PROKR2: variants seen among roughly 807,000 people sequenced by gnomAD.
PROKR2 encodes G protein-coupled receptor 73-like 1.
A neutral mutation model predicts 23.4 loss-of-function variants in PROKR2; 26 were observed. The observed-to-expected ratio is 1.11, with a 90% CI of 0.81 to 1.54. PROKR2 has a LOEUF of 1.54. Ranked by LOEUF, PROKR2 falls within the 40% of genes most tolerant of loss-of-function variation. The pLI, the probability that PROKR2 is intolerant of heterozygous loss-of-function variation, is 0.00. For synonymous variants in PROKR2, 212 were observed against 201.2 expected (o/e 1.05, Z -0.45); for missense variants, 453 against 511.5 (o/e 0.89, Z 1.10).
At chr20:5,307,126 C>T (rs1167846673) in intron 2 of PROKR2, among the ~76,000 whole-genome samples, 2 of 152,100 alleles carry the variant, frequency 1.3e-5, no homozygotes, top group African/African-American at 4.8e-5. Flanking sequence ...CATGTCGAGA[C>T]TGATGCTGAG....
Position 5,299,613 on chromosome 20 carries a change from T to C in PROKR2, c.*2427A>G, listed in dbSNP as rs1175322782. ...AGTTTTGCTTAGGCTAATATTATAG[T>C]GTGTTTGCATTTTCTTTTATTTTCC... On this transcript the variant is annotated 3_prime_UTR_variant, in exon 3 of 3. Coordinates refer to ENST00000678254, the MANE Select transcript of PROKR2 (RefSeq NM_144773.4). Among the ~76,000 whole-genome samples the C allele has an allele frequency of 6.6e-6, 1 of 151,964 alleles. No homozygotes were observed. The highest frequency in any genetic ancestry group is 2.4e-5 in the African/African-American group (1 of 41,380).
At chr20:5,307,591 CATT>C (rs1979267255) in intron 2 of PROKR2, among the ~76,000 whole-genome samples, 1 of 152,218 alleles carries the variant, frequency 6.6e-6, no homozygotes, top group African/African-American at 2.4e-5. Context: ...CCTATGGAAT[CATT>C]ATTGATTGGT....
In PROKR2 at chr20:5,316,017, G is replaced by A; in HGVS notation, c.-9+477C>T. Reference sequence around the variant, plus strand: ...AACGCGGCCGCACTGTCGGCGTCTAGAGGCGACATCCTGGCAAAGACAGGA... The same window carrying A: ...AACGCGGCCGCACTGTCGGCGTCTAAAGGCGACATCCTGGCAAAGACAGGA... On this transcript the variant is annotated intron_variant, in intron 1 of 2. Transcript: ENST00000678254. The surrounding 1 kb of genome is among the most constrained non-coding windows in gnomAD (Gnocchi z 5.0). 1 of 456,718 alleles carries A rather than the reference G, an allele frequency of 2.2e-6. No individual in the cohort carries two copies. Among genetic ancestry groups the A allele is most frequent in the Non-Finnish European group, 4.4e-6 (1 of 226,962 alleles). 28.3% of individuals were successfully genotyped at this position (456,718 alleles called of 1,614,324 possible). A position where few individuals can be genotyped will look rare whatever the true frequency, so the allele number is the denominator to read the frequency against.
chr20:5,314,403 G>C, intron 1 of PROKR2, 26 bp from the exon 2 acceptor site: 1 of 1,575,756 alleles, frequency 6.3e-7, no homozygotes, highest in Non-Finnish European at 8.7e-7. Context: ...TGTGAGGGAG[G>C]TGCGAGGGGT....
chr20:5,302,736 T>C lies in PROKR2; in HGVS notation c.459A>G (p.Arg153=). The change falls in exon 3 of 3, where the codon AGA becomes AGG. Residue 153 remains arginine, a splice_region_variant and synonymous_variant. Coordinates refer to ENST00000678254, the MANE Select transcript of PROKR2 (RefSeq NM_144773.4). Reference sequence around the variant, plus strand: ...TCAAGGGGTGAACGATGGCGAGATATCTGGTGGGGGAGGGAAGCCAACAGT... The same window carrying C: ...TCAAGGGGTGAACGATGGCGAGATACCTGGTGGGGGAGGGAAGCCAACAGT... The part of the protein sequence containing the change: ...TNALLAIAID[R]YLAIVHPLKP... 6.2e-7 allele frequency: 1 copy of C among 1,612,328 alleles called. No homozygotes were observed. Among genetic ancestry groups the C allele is most frequent in the African/African-American group, 1.3e-5 (1 of 75,028 alleles).
In PROKR2 at chr20:5,314,210, T is replaced by A; in HGVS notation, c.160A>T (p.Ile54Phe). The A allele has an allele frequency of 6.2e-7, 1 of 1,614,138 alleles. No homozygotes were observed. The highest frequency in any genetic ancestry group is 8.5e-7 in the Non-Finnish European group (1 of 1,180,012). ...TKTRTFFAAK[I>F]VIGIALAGIM... ...CCTGCCAGTGCAATGCCAATGACGA[T>A]CTTGGCTGCGAAGAAGGTCCGGGTC... Residue 54 changes from isoleucine (I) to phenylalanine (F), a missense_variant, in exon 2 of 3, where the codon ATC becomes TTC. Ile to Phe is a conservative substitution (Grantham distance 21). Transcript: ENST00000678254.
intron 2 of PROKR2, among the ~76,000 whole-genome samples, chr20:5,304,930 A>G (rs1052289760): frequency 6.6e-6 from 1 of 152,098 alleles, no homozygotes; most frequent in African/African-American, 2.4e-5. Flanking sequence ...GCATAAGGCT[A>G]CTCTGCTAGC....
intron 2 of PROKR2, among the ~76,000 whole-genome samples, chr20:5,306,571 G>A (rs1019082776): frequency 1.3e-5 from 2 of 152,064 alleles, no homozygotes; most frequent in East Asian, 3.9e-4. Flanking sequence ...ATTCTGGCTC[G>A]AAAAGTAAAG....
In PROKR2 at chr20:5,314,169, G is replaced by T. The variant is rs201898089; in HGVS notation, c.201C>A (p.Cys67Ter). The T allele has an allele frequency of 1.9e-6, 3 of 1,614,152 alleles. No homozygotes were observed. Among genetic ancestry groups the T allele is most frequent in the South Asian group, 1.1e-5 (1 of 91,086 alleles). ...CGATAAAGACAAAGTTACCGATGCC[G>T]CAGACCAGCATGATGCCTGCCAGTG... ...GIALAGIMLV[C>*]GIGNFVFIAA... Residue 67 changes from cysteine to a stop codon, truncating the protein, a stop_gained, in exon 2 of 3, where the codon TGC becomes TGA. Coordinates refer to ENST00000678254, the MANE Select transcript of PROKR2 (RefSeq NM_144773.4). LOFTEE classifies it high-confidence loss of function.
In PROKR2 at chr20:5,316,620, C is replaced by T. The variant is rs1247864732; in HGVS notation, c.-135G>A. 6.6e-6 allele frequency among the ~76,000 whole-genome samples: 1 copy of T among 152,242 alleles called. No individual in the cohort carries two copies. Among genetic ancestry groups the T allele is most frequent in the Non-Finnish European group, 1.5e-5 (1 of 68,040 alleles). Reference sequence around the variant, plus strand: ...GGACCCGGACTTGCACTTGCAGAGCCGCTGCGTGGGGGATGTCCCTCTTTT... The same window carrying T: ...GGACCCGGACTTGCACTTGCAGAGCTGCTGCGTGGGGGATGTCCCTCTTTT... On this transcript the variant is annotated 5_prime_UTR_variant, in exon 1 of 3. Coordinates refer to ENST00000678254, the MANE Select transcript of PROKR2 (RefSeq NM_144773.4). This position sits in a 1 kb window ranked among gnomAD's most constrained non-coding sequence, Gnocchi z 5.0.
chr20:5,314,217 T>C lies in PROKR2; in HGVS notation c.153A>G (p.Ala51=). The part of the protein sequence containing the change: ...EDMTKTRTFF[A]AKIVIGIALA... ...GTGCAATGCCAATGACGATCTTGGC[T>C]GCGAAGAAGGTCCGGGTCTTGGTCA... Residue 51 remains alanine, a synonymous_variant, in exon 2 of 3, where the codon GCA becomes GCG. Coordinates refer to ENST00000678254, the MANE Select transcript of PROKR2 (RefSeq NM_144773.4). 6.2e-7 allele frequency: 1 copy of C among 1,614,216 alleles called. No homozygotes were observed. The highest frequency in any genetic ancestry group is 8.5e-7 in the Non-Finnish European group (1 of 1,180,036).
Position 5,302,173 on chromosome 20 carries a change from A to G in PROKR2, c.1022T>C (p.Met341Thr), listed in dbSNP as rs962871336. ...CAGCATCATCTTCTTGAAGTACTTCATGGTGTTGTTCTTGACCGTCACGAA... is the reference window on the plus strand; with the variant it reads ...CAGCATCATCTTCTTGAAGTACTTCGTGGTGTTGTTCTTGACCGTCACGAA... ...VCFVTVKNNT[M>T]KYFKKMMLLH... The change falls in exon 3 of 3, where the codon ATG (methionine) becomes ACG (threonine). Residue 341 changes from methionine to threonine, a missense_variant. Physicochemically the swap from Met to Thr is moderately conservative, Grantham distance 81. Coordinates refer to ENST00000678254, the MANE Select transcript of PROKR2 (RefSeq NM_144773.4). The G allele has an allele frequency of 1.9e-6, 3 of 1,614,220 alleles. No individual in the cohort carries two copies. The highest frequency in any genetic ancestry group is 1.7e-5 in the Admixed American group (1 of 60,030).
intron 2 of PROKR2, 59 bp downstream of exon 2, chr20:5,313,853 A>G (rs1462248448): frequency 2.1e-5 from 30 of 1,412,100 alleles, no homozygotes. Flanking sequence ...GTCAGAGCCT[A>G]AATGAGGAAA....
chr20:5,301,961 T>C lies in PROKR2; in HGVS notation c.*79A>G. 1 of 1,322,752 alleles carries C rather than the reference T, an allele frequency of 7.6e-7. No homozygotes were observed. 81.9% of individuals were successfully genotyped at this position (1,322,752 alleles called of 1,614,324 possible). ...GCATGAACACAGATGTCATTTCCCATGCAGCCTATGAACTTGGTTGATGGT... is the reference window on the plus strand; with the variant it reads ...GCATGAACACAGATGTCATTTCCCACGCAGCCTATGAACTTGGTTGATGGT... On this transcript the variant is annotated 3_prime_UTR_variant, in exon 3 of 3. Coordinates refer to ENST00000678254, the MANE Select transcript of PROKR2 (RefSeq NM_144773.4).
rs536928364 is a variant in PROKR2 at position 5,307,816 on chromosome 20, A to G, written c.459-5080T>C. Among the ~76,000 whole-genome samples the G allele has an allele frequency of 3.3e-5, 5 of 152,364 alleles. No individual in the cohort carries two copies. In the East Asian group the frequency reaches 7.7e-4, roughly 23 times the overall value. On this transcript the variant is annotated intron_variant, in intron 2 of 2. Transcript: ENST00000678254. Reference sequence around the variant, plus strand: ...AAGCTAAACATAAAGATTTGTGGAAACTATTAATAGCTCTTAATAAGATCA... The same window carrying G: ...AAGCTAAACATAAAGATTTGTGGAAGCTATTAATAGCTCTTAATAAGATCA...
In PROKR2 at chr20:5,316,043, A is replaced by G. The variant is rs1418823069; in HGVS notation, c.-9+451T>C. ...AGGCGACATCCTGGCAAAGACAGGA[A>G]TCAAGTCAGAAATTCAGGCTCTAGA... is the stretch of plus-strand genomic sequence containing the variant. On this transcript the variant is annotated intron_variant, in intron 1 of 2. Coordinates refer to ENST00000678254, the MANE Select transcript of PROKR2 (RefSeq NM_144773.4). The surrounding 1 kb of genome is among the most constrained non-coding windows in gnomAD (Gnocchi z 5.0). 1 of 456,752 alleles carries G rather than the reference A, an allele frequency of 2.2e-6. No individual in the cohort carries two copies. Among genetic ancestry groups the G allele is most frequent in the Non-Finnish European group, 4.4e-6 (1 of 226,972 alleles). 28.3% of individuals were successfully genotyped at this position (456,752 alleles called of 1,614,324 possible). A position where few individuals can be genotyped will look rare whatever the true frequency, so the allele number is the denominator to read the frequency against.
chr20:5,301,240 G>T lies in PROKR2; in HGVS notation c.*800C>A, dbSNP rs978968011. On this transcript the variant is annotated 3_prime_UTR_variant, in exon 3 of 3. Transcript: ENST00000678254. ...TTGTTGTTTTGTTGTTTGTTTGTTT[G>T]TTTTTTTCCTGAGACAGAGTCTCAC... Among the ~76,000 whole-genome samples the T allele has an allele frequency of 6.6e-6, 1 of 151,384 alleles. No homozygotes were observed. Among genetic ancestry groups the T allele is most frequent in the African/African-American group, 2.4e-5 (1 of 40,964 alleles).
rs1978952835 is a variant in PROKR2, at chr20:5,300,697, A to G, written c.*1343T>C. On this transcript the variant is annotated 3_prime_UTR_variant, in exon 3 of 3. Coordinates refer to ENST00000678254, the MANE Select transcript of PROKR2 (RefSeq NM_144773.4). Reference sequence around the variant, plus strand: ...TTAGGACTTGAGTCTTAGAGTTAGGACCTGAACCCAGGTCTTTGGATTCTA... The same window carrying G: ...TTAGGACTTGAGTCTTAGAGTTAGGGCCTGAACCCAGGTCTTTGGATTCTA... Among the ~76,000 whole-genome samples the G allele has an allele frequency of 6.6e-6, 1 of 152,194 alleles. No individual in the cohort carries two copies. The highest frequency in any genetic ancestry group is 1.5e-5 in the Non-Finnish European group (1 of 68,042).
In PROKR2 at chr20:5,316,131, C is replaced by T. The variant is rs187665176; in HGVS notation, c.-9+363G>A. On this transcript the variant is annotated intron_variant, in intron 1 of 2. Transcript: ENST00000678254. This position sits in a 1 kb window ranked among gnomAD's most constrained non-coding sequence, Gnocchi z 5.0. ...GCGGGTGGGTGGAGGATGCGGTGCGCGGGAATTTCCCCACGGACGCTTGCT... is the reference window on the plus strand; with the variant it reads ...GCGGGTGGGTGGAGGATGCGGTGCGTGGGAATTTCCCCACGGACGCTTGCT... 408 of 456,658 alleles carry T rather than the reference C, an allele frequency of 8.9e-4. 1 individual carries two copies. Among genetic ancestry groups the T allele is most frequent in the African/African-American group, 7.5e-3 (375 of 50,192 alleles). 28.3% of individuals were successfully genotyped at this position (456,658 alleles called of 1,614,324 possible). A position where few individuals can be genotyped will look rare whatever the true frequency, so the allele number is the denominator to read the frequency against.
Sources: allele counts gnomAD v4.1 joint callset (sites outside exome capture counted in the v4.1 genomes callset), GRCh38; gene constraint gnomAD v4.1.1; non-coding constraint Gnocchi (gnomAD v3.1); transcripts MANE v1.5; gene names NCBI Gene and HGNC (gene_info 2026-07-23, HGNC 2026-07-21).